FER: variants seen among roughly 807,000 people sequenced by gnomAD.
The protein encoded by FER is FER tyrosine kinase.
Under a neutral mutation model 111.0 loss-of-function variants are expected in FER, and 63 were observed. The ratio of observed to expected loss-of-function variants is 0.57; its 90% CI spans 0.46 to 0.70. The LOEUF is 0.70. Ranked by LOEUF, FER falls within the 30% of genes least tolerant of loss-of-function variation. The probability of loss-of-function intolerance (pLI) is 0.00; values close to 1 mark genes in which losing one functional copy is unlikely to be tolerated. For missense variants in FER, 914 were observed against 954.0 expected (o/e 0.96, Z 0.55); for synonymous variants, 327 against 313.9 (o/e 1.04, Z -0.44).
intron 2 of FER, among the ~76,000 whole-genome samples, chr5:108,786,785 C>T (rs1754772393): frequency 6.6e-6 from 1 of 152,216 alleles, no homozygotes; most frequent in Non-Finnish European, 1.5e-5. Flanking sequence ...CAGGCATGAG[C>T]CACCGTGCCC....
At chr5:109,186,127 CA>C (rs1249754362) in intron 18 of FER, 72 bp from the exon 19 acceptor site, 1 of 1,596,854 alleles carries the variant, frequency 6.3e-7, no homozygotes, top group Non-Finnish European at 8.6e-7. Flanking sequence ...CTGACACAGA[CA>C]TACATAACCA....
At chr5:109,007,175 C>T (rs556170009) in intron 13 of FER, among the ~76,000 whole-genome samples, 1 of 152,224 alleles carries the variant, frequency 6.6e-6, no homozygotes, top group Non-Finnish European at 1.5e-5. Flanking sequence ...AGTAATAGCT[C>T]ATATTCTGAG....
chr5:109,145,831 C>G (rs993452725), intron 17 of FER, among the ~76,000 whole-genome samples: 3 of 151,434 alleles, frequency 2.0e-5, no homozygotes, highest in African/African-American at 7.3e-5. Flanking sequence ...TTTCTACTTG[C>G]TTTTTTTAAG....
At chr5:109,165,960 G>A (rs1208019887) in intron 17 of FER, among the ~76,000 whole-genome samples, 3 of 152,066 alleles carry the variant, frequency 2.0e-5, no homozygotes, top group African/African-American at 7.2e-5. Flanking sequence ...GGACCACAAG[G>A]CAGGGGAAAG....
At chr5:108,750,134 G>C (rs1039291620) in intron 1 of FER, among the ~76,000 whole-genome samples, 3 of 152,136 alleles carry the variant, frequency 2.0e-5, no homozygotes, top group Non-Finnish European at 4.4e-5. Context: ...GATATGTTAA[G>C]ATAATAAATT....
intron 16 of FER, among the ~76,000 whole-genome samples, chr5:109,048,740 G>A (rs1772336863): frequency 6.6e-6 from 1 of 151,994 alleles, no homozygotes; most frequent in Admixed American, 6.6e-5. Flanking sequence ...GCTAATTGCT[G>A]CTTGCAGTTT....
In FER at chr5:108,897,816, T is replaced by A; in HGVS notation, c.1204T>A (p.Tyr402Asn). ...DGKEPPPVVN[Y>N]EEDARSVTSM... is the part of the protein sequence containing the mutation. ...GAAAGAGCCACCTCCAGTAGTAAAT[T>A]ATGAAGAAGATGCACGATCAGTTAC... The change falls in exon 10 of 20, where the codon TAT (tyrosine) becomes AAT (asparagine). Residue 402 changes from tyrosine (Y) to asparagine (N), a missense_variant. Physicochemically the swap from Tyr to Asn is moderately radical, Grantham distance 143 (BLOSUM62 -2). Transcript: ENST00000281092. 1 of 1,612,292 alleles carries A rather than the reference T, an allele frequency of 6.2e-7. No homozygotes were observed. Among genetic ancestry groups the A allele is most frequent in the Non-Finnish European group, 8.5e-7 (1 of 1,179,348 alleles).
In FER at chr5:109,051,628, A is replaced by G; in HGVS notation, c.1924+4430A>G. The G allele has an allele frequency of 1.9e-6, 3 of 1,592,202 alleles. No individual in the cohort carries two copies. The South Asian group carries it at 3.3e-5, about 18-fold the overall frequency. ...GTACCCAGGAAGAGACATAGGCGAGAGGGGAGCAGTTGGTGAGGAGCAGCC... is the reference window on the plus strand; with the variant it reads ...GTACCCAGGAAGAGACATAGGCGAGGGGGGAGCAGTTGGTGAGGAGCAGCC... On this transcript the variant is annotated intron_variant, in intron 16 of 19. Transcript: ENST00000281092.
chr5:109,108,053 A>G (rs562918926), intron 17 of FER, among the ~76,000 whole-genome samples: 1 of 152,282 alleles, frequency 6.6e-6, no homozygotes, highest in South Asian at 2.1e-4. Flanking sequence ...TCTTGTGTGC[A>G]AGGGGATAGT....
At chr5:108,980,315 G>A (rs1020823697) in intron 13 of FER, among the ~76,000 whole-genome samples, 3 of 152,018 alleles carry the variant, frequency 2.0e-5, no homozygotes, top group Non-Finnish European at 4.4e-5. Context: ...GAAGCATTGG[G>A]ATCCTTGAGG....
chr5:109,046,102 A>G (rs558404479), intron 15 of FER, among the ~76,000 whole-genome samples: 1 of 151,226 alleles, frequency 6.6e-6, no homozygotes, highest in Non-Finnish European at 1.5e-5. Flanking sequence ...CCCTCTGATG[A>G]AATTTTGCCT....
intron 2 of FER, among the ~76,000 whole-genome samples, chr5:108,781,164 T>C (rs1016842181): frequency 5.9e-5 from 9 of 152,194 alleles, no homozygotes; most frequent in Non-Finnish European, 1.0e-4. Context: ...CTGGTTCTTA[T>C]ACTAGCTCTC....
At chr5:109,073,289 A>G (rs1775970537) in intron 16 of FER, among the ~76,000 whole-genome samples, 1 of 152,168 alleles carries the variant, frequency 6.6e-6, no homozygotes, top group Admixed American at 6.5e-5. Context: ...TATTTGAGAT[A>G]CTTGAGGAGC....
At chr5:108,797,809 G>A (rs1348903653) in intron 2 of FER, among the ~76,000 whole-genome samples, 3 of 152,182 alleles carry the variant, frequency 2.0e-5, no homozygotes, top group Non-Finnish European at 4.4e-5. Flanking sequence ...TATTTTAATG[G>A]TTTTTGTTGC....
intron 13 of FER, among the ~76,000 whole-genome samples, chr5:108,962,461 T>C (rs1468041469): frequency 6.6e-6 from 1 of 152,208 alleles, no homozygotes; most frequent in Non-Finnish European, 1.5e-5. Flanking sequence ...TTTCTCTTTG[T>C]CATGCTAACA....
intron 4 of FER, among the ~76,000 whole-genome samples, chr5:108,835,264 C>T (rs1046351508): frequency 2.2e-5 from 3 of 135,102 alleles, no homozygotes; most frequent in African/African-American, 5.8e-5. Flanking sequence ...TCATTGCAAC[C>T]TCTGCCTCCC....
At chr5:108,766,856 G>T (rs927140491) in intron 1 of FER, among the ~76,000 whole-genome samples, 1 of 152,190 alleles carries the variant, frequency 6.6e-6, no homozygotes, top group African/African-American at 2.4e-5. Context: ...CAGGCAAAAA[G>T]TGAGACGTTG....
At position 109,193,586 on chromosome 5, in the gene FER, T is replaced by C. The variant is rs974577206; in HGVS notation, c.*6011T>C. ...AGTGTTGATGCTGGAAGTGGAATGT[T>C]ATGTTTTCGCTCAGCTGTATTCATT... is the stretch of plus-strand genomic sequence containing the variant. On this transcript the variant is annotated 3_prime_UTR_variant, in exon 20 of 20. Coordinates refer to ENST00000281092, the MANE Select transcript of FER (RefSeq NM_005246.4). The C allele has an allele frequency of 3.3e-5, 5 of 152,192 alleles. No homozygotes were observed. The highest frequency in any genetic ancestry group is 1.2e-4 in the African/African-American group (5 of 41,444). The allele number at this position is 152,192 out of a possible 1,614,324, so 9.4% of individuals were successfully genotyped here.
intron 13 of FER, among the ~76,000 whole-genome samples, chr5:108,985,944 T>A (rs1762522449): frequency 6.6e-6 from 1 of 152,232 alleles, no homozygotes; most frequent in Non-Finnish European, 1.5e-5. Context: ...TTCCTCTGGA[T>A]AGATACCCAA....
Sources: allele counts gnomAD v4.1 joint callset (sites outside exome capture counted in the v4.1 genomes callset), GRCh38; gene constraint gnomAD v4.1.1; transcripts MANE v1.5; gene names NCBI Gene and HGNC (gene_info 2026-07-23, HGNC 2026-07-21).